The following TENM2 variants were observed in gnomAD, a reference collection of about 807,000 sequenced individuals.
TENM2 encodes teneurin-2.
TENM2 carries 52 observed loss-of-function variants against 245.2 expected under a neutral mutation model. That is an observed-to-expected ratio of 0.21 (90% confidence interval 0.17 to 0.27). The LOEUF (loss-of-function observed/expected upper bound fraction) is 0.27. TENM2 is among the 10% of genes least tolerant of loss of function. The pLI is 1.00. For missense variants in TENM2, 3,046 were observed against 3,666.8 expected, an observed-to-expected ratio of 0.83 and a Z score of 4.37; for synonymous variants, 1,363 against 1,438.9, an observed-to-expected ratio of 0.95 and a Z score of 1.19.
intron 1 of TENM2, among the ~76,000 whole-genome samples, chr5:167,314,467 G>C (rs1194524345): frequency 6.6e-6 from 1 of 152,126 alleles, no homozygotes; most frequent in Admixed American, 6.5e-5. Context: ...AACGGATTTA[G>C]CAACATTCTA....
At chr5:167,357,555 C>T (rs1360529898) in intron 1 of TENM2, among the ~76,000 whole-genome samples, 17 of 152,028 alleles carry the variant, frequency 1.1e-4, no homozygotes, top group Non-Finnish European at 1.6e-4. Context: ...CCACTTTGCC[C>T]GGCCGAGCCA....
chr5:167,731,292 A>G (rs1760419892), intron 2 of TENM2, among the ~76,000 whole-genome samples: 1 of 150,786 alleles, frequency 6.6e-6, no homozygotes, highest in African/African-American at 2.4e-5. Flanking sequence ...CGCCTCCGTT[A>G]CAGAGGGAAT....
intron 2 of TENM2, among the ~76,000 whole-genome samples, chr5:167,429,865 C>A (rs1764109376): frequency 1.3e-5 from 2 of 152,058 alleles, no homozygotes; most frequent in Non-Finnish European, 2.9e-5. Context: ...CCTTGGCCTC[C>A]CAAAGTGCTG....
chr5:167,418,676 C>T (rs1298349253), intron 2 of TENM2, among the ~76,000 whole-genome samples: 1 of 152,240 alleles, frequency 6.6e-6, no homozygotes, highest in South Asian at 2.1e-4. Flanking sequence ...ATATTAGATT[C>T]AATCTTTACA....
the TENM2 span, among the ~76,000 whole-genome samples, chr5:167,007,652 G>A: frequency 6.6e-6 from 1 of 152,028 alleles, no homozygotes; most frequent in Non-Finnish European, 1.5e-5. This position sits in a 1 kb window ranked among gnomAD's most constrained non-coding sequence, Gnocchi z 4.2. Context: ...CACAAAAATT[G>A]AGTCTTGGCA....
Position 167,302,133 on chromosome 5 carries a change from T to C in TENM2, c.226+17070T>C, listed in dbSNP as rs566358860. Among the ~76,000 whole-genome samples the C allele has an allele frequency of 1.1e-4, 17 of 152,228 alleles. No homozygotes were observed. In the South Asian group the frequency reaches 2.7e-3, roughly 24 times the overall value. On this transcript the variant is annotated intron_variant, in intron 1 of 28. Transcript: ENST00000518659. ...TGATGTGTAAAAGAATGCCTGGACA[T>C]CAGGCACCTCAGACCGTTTGCCTAT...
intron 5 of TENM2, among the ~76,000 whole-genome samples, chr5:168,013,344 C>T (rs759177239): frequency 1.3e-5 from 2 of 152,128 alleles, no homozygotes; most frequent in South Asian, 2.1e-4. Context: ...TGGCTCACAC[C>T]TGTAATCCTA....
chr5:166,990,521 T>C, the TENM2 span, among the ~76,000 whole-genome samples: 3 of 152,194 alleles, frequency 2.0e-5, no homozygotes, highest in Non-Finnish European at 4.4e-5. Context: ...TAGGATTAGA[T>C]AGTTAAATAT....
At chr5:167,686,983 A>G (rs1225266880) in intron 2 of TENM2, among the ~76,000 whole-genome samples, 1 of 152,144 alleles carries the variant, frequency 6.6e-6, no homozygotes, top group Non-Finnish European at 1.5e-5. Context: ...CAGAGTCCCC[A>G]CCTGTTGAAA....
intron 4 of TENM2, among the ~76,000 whole-genome samples, chr5:167,961,004 T>G (rs1780970610): frequency 6.6e-6 from 1 of 152,192 alleles, no homozygotes; most frequent in Non-Finnish European, 1.5e-5. Context: ...CCGCCCTGCT[T>G]CAGCTTGCCC....
intron 5 of TENM2, among the ~76,000 whole-genome samples, chr5:168,008,812 A>C (rs1785014868): frequency 6.6e-6 from 1 of 152,218 alleles, no homozygotes; most frequent in Non-Finnish European, 1.5e-5. Flanking sequence ...TCACTTCTCT[A>C]AAAGCATGGT....
At chr5:168,033,185 A>G (rs1408945497) in intron 5 of TENM2, 1 of 152,228 alleles carries the variant, frequency 6.6e-6, no homozygotes, top group African/African-American at 2.4e-5. Context: ...CACAAGTCAA[A>G]CAAAAGCAAA....
chr5:167,169,621 A>G, the TENM2 span, among the ~76,000 whole-genome samples: 1 of 152,334 alleles, frequency 6.6e-6, no homozygotes, highest in Non-Finnish European at 1.5e-5. Flanking sequence ...AGACCATAGT[A>G]AGCACTCAAT....
chr5:167,539,848 A>C (rs1179744455), intron 2 of TENM2, among the ~76,000 whole-genome samples: 2 of 152,184 alleles, frequency 1.3e-5, no homozygotes. Context: ...TAATATGGAA[A>C]AGGGGGAACT....
At chr5:168,138,633 G>T (rs1046888454) in intron 12 of TENM2, among the ~76,000 whole-genome samples, 4 of 152,244 alleles carry the variant, frequency 2.6e-5, no homozygotes, top group Admixed American at 2.6e-4. Context: ...CACAGGGAGA[G>T]AGAGGAAAGC....
At chr5:168,017,670 T>C (rs1785777864) in intron 5 of TENM2, among the ~76,000 whole-genome samples, 1 of 152,192 alleles carries the variant, frequency 6.6e-6, no homozygotes, top group Non-Finnish European at 1.5e-5. Flanking sequence ...CCCATTTTCT[T>C]GCACTTAGCC....
At chr5:167,340,665 G>A (rs891181152) in intron 1 of TENM2, among the ~76,000 whole-genome samples, 1 of 152,162 alleles carries the variant, frequency 6.6e-6, no homozygotes. Flanking sequence ...CATTTTGGTG[G>A]GACACCATTC....
chr5:167,562,363 C>T (rs778582870), intron 2 of TENM2, among the ~76,000 whole-genome samples: 3 of 151,974 alleles, frequency 2.0e-5, no homozygotes, highest in Non-Finnish European at 4.4e-5. Context: ...AATACAATTA[C>T]GGACCCAGAT....
At chr5:167,086,925 ACACG>A in the TENM2 span, among the ~76,000 whole-genome samples, 3,483 of 53,522 alleles carry the variant, frequency 0.065, 89 homozygotes, top group African/African-American at 0.2. Flanking sequence ...TCTAACACAC[ACACG>A]CACACACACA....
Sources: allele counts gnomAD v4.1 joint callset (sites outside exome capture counted in the v4.1 genomes callset), GRCh38; gene constraint gnomAD v4.1.1; non-coding constraint Gnocchi (gnomAD v3.1); transcripts MANE v1.5; gene names NCBI Gene and HGNC (gene_info 2026-07-23, HGNC 2026-07-21).